The following ARIH2 variants were observed in gnomAD, a reference collection of about 807,000 sequenced individuals.
ARIH2 encodes E3 ubiquitin-protein ligase ARIH2.
A neutral mutation model predicts 79.8 loss-of-function variants in ARIH2; 12 were observed. The observed-to-expected ratio is 0.15, with a 90% CI of 0.10 to 0.24. The LOEUF (loss-of-function observed/expected upper bound fraction) is 0.24, where lower values mean the gene tolerates loss of function less well. ARIH2 is among the 10% of genes least tolerant of loss of function. ARIH2 has a pLI of 1.00. For synonymous variants in ARIH2, 224 were observed against 213.9 expected (o/e 1.05, Z -0.41); for missense variants, 301 against 618.3 (o/e 0.49, Z 5.44).
chr3:48,959,331 T>A (rs1217957035), intron 3 of ARIH2, among the ~76,000 whole-genome samples: 142 of 145,530 alleles, frequency 9.8e-4, no homozygotes, highest in Admixed American at 2.5e-3. Flanking sequence ...AAAAAAAAAA[T>A]ACAATAAAAA....
chr3:48,968,732 T>G (rs2091972941), intron 7 of ARIH2, 77 bp downstream of exon 7: 1 of 1,548,198 alleles, frequency 6.5e-7, no homozygotes, highest in African/African-American at 1.4e-5. Flanking sequence ...TTACTTACTT[T>G]GTAGACTAGG....
chr3:48,953,259 A>G (rs927249028), intron 3 of ARIH2, among the ~76,000 whole-genome samples: 2 of 152,074 alleles, frequency 1.3e-5, no homozygotes, highest in Non-Finnish European at 2.9e-5. Flanking sequence ...AAATTCATCA[A>G]TTGAAATCAA....
At chr3:48,919,549 A>G (rs530128968) in intron 1 of ARIH2, among the ~76,000 whole-genome samples, 30 of 152,340 alleles carry the variant, frequency 2.0e-4, no homozygotes, top group Non-Finnish European at 4.0e-4. Flanking sequence ...GCCTGGTCCC[A>G]TAGAACTTTC....
chr3:48,970,109 C>T (rs1204180493), intron 7 of ARIH2, among the ~76,000 whole-genome samples: 2 of 152,100 alleles, frequency 1.3e-5, no homozygotes, highest in African/African-American at 2.4e-5. Flanking sequence ...CCAGGCTGGT[C>T]TCAAACTCCT....
At chr3:48,938,731 G>GA (rs984120478) in intron 3 of ARIH2, among the ~76,000 whole-genome samples, 1 of 151,952 alleles carries the variant, frequency 6.6e-6, no homozygotes, top group Non-Finnish European at 1.5e-5. Context: ...GAATGGGTTG[G>GA]AGTGGGGTGT....
At chr3:48,974,192 T>C (rs932882115) in intron 9 of ARIH2, among the ~76,000 whole-genome samples, 3 of 152,186 alleles carry the variant, frequency 2.0e-5, no homozygotes, top group Non-Finnish European at 2.9e-5. Context: ...ACGATACTCA[T>C]TTTGAAGTCT....
intron 2 of ARIH2, chr3:48,925,196 C>T (rs182210511): frequency 0.018 from 2,762 of 151,626 alleles, 47 homozygotes; most frequent in Non-Finnish European, 0.029. Flanking sequence ...TCACTGCAAG[C>T]TCCGCCTCCC....
chr3:48,964,603 C>T (rs909514831), intron 4 of ARIH2, among the ~76,000 whole-genome samples: 1 of 152,222 alleles, frequency 6.6e-6, no homozygotes, highest in African/African-American at 2.4e-5. Flanking sequence ...GAGTAAGCCA[C>T]TGCGCCTGGC....
At chr3:48,981,527 A>C in intron 13 of ARIH2, 133 bp from the exon 14 acceptor site, 1 of 563,634 alleles carries the variant, frequency 1.8e-6, no homozygotes, top group Non-Finnish European at 3.1e-6. Context: ...TTGGCCTAGT[A>C]TCATTTCTTT....
intron 12 of ARIH2, 35 bp from the exon 13 acceptor site, chr3:48,980,318 C>A (rs1383613691): frequency 1.9e-6 from 3 of 1,606,260 alleles, no homozygotes; most frequent in Non-Finnish European, 2.5e-6. Context: ...CTTCATGGGA[C>A]TCCTGTGGTT....
chr3:48,936,021 T>C (rs1458526069), intron 3 of ARIH2, among the ~76,000 whole-genome samples: 1 of 152,210 alleles, frequency 6.6e-6, no homozygotes, highest in African/African-American at 2.4e-5. Context: ...GAACTTTGAA[T>C]TGGAGCCGGG....
chr3:48,926,862 T>G (rs768215082), intron 2 of ARIH2: 1 of 152,498 alleles, frequency 6.6e-6, no homozygotes, highest in Admixed American at 6.5e-5. Context: ...TAGAACTCTT[T>G]AAACCTGAAA....
intron 3 of ARIH2, among the ~76,000 whole-genome samples, chr3:48,941,144 C>T (rs1033344876): frequency 6.7e-6 from 1 of 148,642 alleles, no homozygotes; most frequent in South Asian, 2.1e-4. Context: ...TGCACTCCAG[C>T]CTGGGTGACA....
chr3:48,967,160 G>A lies in ARIH2; in HGVS notation c.423G>A (p.Val141=), dbSNP rs1208250493. Residue 141 remains valine (V), a synonymous_variant, in exon 6 of 16, where the codon GTG becomes GTA. Coordinates refer to ENST00000356401, the MANE Select transcript of ARIH2 (RefSeq NM_006321.4). ...PTSHPPHHCA[V]CMQFVRKENL... ...CCCATCCCCCTCACCACTGTGCAGTGTGTATGCAGTTTGTGCGAAAGGAAA... is the reference window on the plus strand; with the variant it reads ...CCCATCCCCCTCACCACTGTGCAGTATGTATGCAGTTTGTGCGAAAGGAAA... 6.2e-7 allele frequency: 1 copy of A among 1,614,078 alleles called. No individual in the cohort carries two copies. The highest frequency in any genetic ancestry group is 8.5e-7 in the Non-Finnish European group (1 of 1,180,054).
At chr3:48,958,959 A>T (rs1338444527) in intron 3 of ARIH2, among the ~76,000 whole-genome samples, 1 of 151,980 alleles carries the variant, frequency 6.6e-6, no homozygotes, top group Non-Finnish European at 1.5e-5. Flanking sequence ...AGATTGCAGT[A>T]GCCAAGATCA....
At chr3:48,929,530 C>G (rs2086101627) in intron 3 of ARIH2, among the ~76,000 whole-genome samples, 1 of 152,084 alleles carries the variant, frequency 6.6e-6, no homozygotes, top group African/African-American at 2.4e-5. Flanking sequence ...CTTGAGAGAC[C>G]CTAGAGCACA....
chr3:48,971,489 C>T (rs750749702), intron 8 of ARIH2, among the ~76,000 whole-genome samples: 3 of 152,190 alleles, frequency 2.0e-5, no homozygotes. Flanking sequence ...GTGATCTGCC[C>T]GCCTTGGGCT....
Position 48,927,574 on chromosome 3 carries a change from A to G in ARIH2, c.16A>G (p.Asn6Asp). The G allele has an allele frequency of 1.2e-6, 2 of 1,613,928 alleles. No homozygotes were observed. The highest frequency in any genetic ancestry group is 1.7e-6 in the Non-Finnish European group (2 of 1,179,972). The change falls in exon 3 of 16, where the codon AAT becomes GAT. Residue 6 changes from asparagine (N) to aspartate (D), a missense_variant. This residue lies in a region of ARIH2 where 223 missense variants were observed against 349.4 expected (regional missense o/e 0.64). Transcript: ENST00000356401. MSVDM[N>D]SQGSDSNEED... ...GGATGCTAAGATGTCAGTGGACATG[A>G]ATAGCCAGGGGTCTGACAGCAATGA...
Position 48,982,849 on chromosome 3 carries a change from C to T in ARIH2, c.1327-47C>T, listed in dbSNP as rs199804435. The T allele has an allele frequency of 3.5e-4, 522 of 1,501,620 alleles. 2 individuals carry two copies. Among genetic ancestry groups the T allele is most frequent in the Middle Eastern group, 5.1e-4 (3 of 5,886 alleles). 93.0% of individuals were successfully genotyped at this position (1,501,620 alleles called of 1,614,324 possible). On this transcript the variant is annotated intron_variant, in intron 14 of 15. Coordinates refer to ENST00000356401, the MANE Select transcript of ARIH2 (RefSeq NM_006321.4). ...CCACCCCCGTGTACAGGCCCTGCCCCAGCCACAGCCCACTCACCTTTTGAC... is the reference window on the plus strand; with the variant it reads ...CCACCCCCGTGTACAGGCCCTGCCCTAGCCACAGCCCACTCACCTTTTGAC...
Sources: allele counts gnomAD v4.1 joint callset (sites outside exome capture counted in the v4.1 genomes callset), GRCh38; gene constraint gnomAD v4.1.1; regional missense constraint gnomAD v4.1.1; transcripts MANE v1.5; gene names NCBI Gene and HGNC (gene_info 2026-07-23, HGNC 2026-07-21).